The following LARGE1 variants were observed in gnomAD, a reference collection of about 807,000 sequenced individuals.
LARGE1 encodes LARGE xylosyl- and glucuronyltransferase 1.
Under a neutral mutation model 87.6 loss-of-function variants are expected in LARGE1, and 43 were observed. That is an observed-to-expected ratio of 0.49 (90% CI 0.38 to 0.63). The LOEUF (loss-of-function observed/expected upper bound fraction) is 0.63, where lower values mean the gene tolerates loss of function less well. Ranked by LOEUF, LARGE1 falls within the 30% of genes least tolerant of loss-of-function variation. The pLI, the probability that LARGE1 is intolerant of heterozygous loss-of-function variation, is 0.00. For synonymous variants in LARGE1, 434 were observed against 394.6 expected (o/e 1.10, Z -1.18); for missense variants, 802 against 1,000.2 (o/e 0.80, Z 2.67).
chr22:33,154,302 A>G, the LARGE1 span, among the ~76,000 whole-genome samples: 1 of 152,108 alleles, frequency 6.6e-6, no homozygotes, highest in Non-Finnish European at 1.5e-5. Flanking sequence ...GTGCAGTGGC[A>G]TGAACTCAGC....
intron 1 of LARGE1, among the ~76,000 whole-genome samples, chr22:33,861,835 A>T (rs1377995176): frequency 1.3e-5 from 2 of 150,754 alleles, no homozygotes; most frequent in Admixed American, 6.6e-5. Context: ...AGTAGAAGAA[A>T]AGTGGATTTT....
At chr22:33,412,877 T>C (rs2066357382) in intron 7 of LARGE1, among the ~76,000 whole-genome samples, 1 of 152,188 alleles carries the variant, frequency 6.6e-6, no homozygotes, top group Non-Finnish European at 1.5e-5. Flanking sequence ...GCCAGGCTGG[T>C]CTCGATATCT....
chr22:33,795,280 T>C (rs1449006884), intron 1 of LARGE1, among the ~76,000 whole-genome samples: 1 of 152,268 alleles, frequency 6.6e-6, no homozygotes, highest in Non-Finnish European at 1.5e-5. Flanking sequence ...ATTGCTGGTA[T>C]ACAGTAAGTA....
At chr22:33,864,895 C>CGA (rs1410108622) in intron 1 of LARGE1, among the ~76,000 whole-genome samples, 1 of 152,196 alleles carries the variant, frequency 6.6e-6, no homozygotes, top group African/African-American at 2.4e-5. Context: ...CTGCAGGCCT[C>CGA]TATCTCTCGC....
intron 1 of LARGE1, among the ~76,000 whole-genome samples, chr22:33,861,860 CTTT>C (rs59657748): frequency 0.22 from 25,321 of 116,846 alleles, 2,554 homozygotes; most frequent in East Asian, 0.33. Flanking sequence ...CCCAGACATT[CTTT>C]TTTTTTTTTT....
intron 6 of LARGE1, among the ~76,000 whole-genome samples, chr22:33,466,481 A>ATT (rs2068614470): frequency 6.6e-6 from 1 of 151,126 alleles, no homozygotes; most frequent in South Asian, 2.1e-4. Flanking sequence ...CTCAATAAAT[A>ATT]TTTGTTGAAG....
intron 2 of LARGE1, among the ~76,000 whole-genome samples, chr22:33,663,059 A>T (rs868053453): frequency 2.0e-5 from 3 of 151,992 alleles, no homozygotes; most frequent in African/African-American, 7.3e-5. Context: ...GAAAAAAAAA[A>T]TCACCTCTTT....
At chr22:33,318,784 G>A (rs1569050219) in intron 10 of LARGE1, among the ~76,000 whole-genome samples, 1 of 150,416 alleles carries the variant, frequency 6.6e-6, no homozygotes, top group Non-Finnish European at 1.5e-5. Flanking sequence ...TCACAGGAGG[G>A]CTGGTTCCAT....
At chr22:33,666,398 G>A (rs982361400) in intron 2 of LARGE1, among the ~76,000 whole-genome samples, 1 of 152,220 alleles carries the variant, frequency 6.6e-6, no homozygotes, top group Non-Finnish European at 1.5e-5. Flanking sequence ...TACCCTGCCT[G>A]GGTTGTCCTG....
At position 33,667,526 on chromosome 22, in the gene LARGE1, C is replaced by T. The variant is rs191254607; in HGVS notation, c.107-16858G>A. Among the ~76,000 whole-genome samples, 8 of 152,246 alleles carry T rather than the reference C, an allele frequency of 5.3e-5. No homozygotes were observed. The East Asian group carries it at 1.5e-3, about 29-fold the overall frequency. On this transcript the variant is annotated intron_variant, in intron 2 of 14. Coordinates refer to ENST00000397394, the MANE Select transcript of LARGE1 (RefSeq NM_133642.5). ...CAGTGTCAGCTGTAGGCACTACAGC[C>T]TGATTGTAATGAGAAAGCCACTGGG...
intron 1 of LARGE1, among the ~76,000 whole-genome samples, chr22:33,778,226 G>A (rs1040682992): frequency 2.6e-5 from 4 of 152,170 alleles, no homozygotes; most frequent in African/African-American, 4.8e-5. Context: ...ACTGTACCCC[G>A]TGTGATGGTT....
chr22:33,743,054 C>T (rs1338082247), intron 2 of LARGE1: 1 of 151,978 alleles, frequency 6.6e-6, no homozygotes, highest in Non-Finnish European at 1.5e-5. Context: ...GCGTATGGCA[C>T]CTCCCCGTAT....
intron 11 of LARGE1, among the ~76,000 whole-genome samples, chr22:33,172,564 A>AT (rs569204263): frequency 6.2e-4 from 94 of 151,946 alleles, no homozygotes; most frequent in African/African-American, 2.2e-3. Context: ...CTGCAATAGA[A>AT]TTTTTTCTGG....
intron 1 of LARGE1, among the ~76,000 whole-genome samples, chr22:33,779,090 G>T (rs1006301382): frequency 6.6e-6 from 1 of 152,136 alleles, no homozygotes; most frequent in East Asian, 1.9e-4. Context: ...ACATTTGCGC[G>T]TAAGTACTTG....
chr22:33,270,233 C>G (rs764423196), downstream of LARGE1, among the ~76,000 whole-genome samples: 8 of 151,988 alleles, frequency 5.3e-5, no homozygotes, highest in Non-Finnish European at 1.2e-4. Context: ...GGTCTGAAAC[C>G]TCTTAGAATG....
downstream of LARGE1, among the ~76,000 whole-genome samples, chr22:33,269,849 C>CA (rs1928151402): frequency 6.6e-6 from 1 of 151,822 alleles, no homozygotes; most frequent in South Asian, 2.1e-4. Flanking sequence ...ACTAAAAATA[C>CA]AAAAAATTAG....
At chr22:33,217,065 G>T (rs1378135141) in intron 11 of LARGE1, among the ~76,000 whole-genome samples, 1 of 152,134 alleles carries the variant, frequency 6.6e-6, no homozygotes, top group Non-Finnish European at 1.5e-5. Flanking sequence ...TTTCATGAAG[G>T]CTAATCAACA....
chr22:33,831,749 T>C (rs561359893), intron 1 of LARGE1, among the ~76,000 whole-genome samples: 1 of 146,864 alleles, frequency 6.8e-6, no homozygotes, highest in East Asian at 2.1e-4. Flanking sequence ...CACATGCATG[T>C]ACACACACAC....
intron 6 of LARGE1, among the ~76,000 whole-genome samples, chr22:33,477,553 C>G (rs2069131522): frequency 6.6e-6 from 1 of 152,084 alleles, no homozygotes; most frequent in Non-Finnish European, 1.5e-5. Context: ...TAAAAGCGTT[C>G]AGAATACCCC....
Sources: gnomAD v4.1 joint callset for allele counts (sites outside exome capture counted in the v4.1 genomes callset) on GRCh38, gnomAD v4.1.1 for gene constraint, MANE v1.5 for transcripts, NCBI Gene and HGNC (gene_info 2026-07-23, HGNC 2026-07-21) for gene names.